The following ACYP2 variants were observed in gnomAD, a reference collection of about 807,000 sequenced individuals.
ACYP2 encodes the protein acylphosphatase-2.
Under a neutral mutation model 11.2 loss-of-function variants are expected in ACYP2, and 12 were observed. That is an observed-to-expected ratio of 1.08 (90% CI 0.69 to 1.74). The LOEUF (loss-of-function observed/expected upper bound fraction) is 1.74, where lower values mean the gene tolerates loss of function less well. ACYP2 is among the 40% of genes most tolerant of loss of function. ACYP2 has a pLI of 0.00. For synonymous variants in ACYP2, 43 were observed against 32.2 expected, an observed-to-expected ratio of 1.33 and a Z score of -1.13; for missense variants, 134 against 101.9, an observed-to-expected ratio of 1.31 and a Z score of -1.35.
At position 54,050,685 on chromosome 2, in the gene ACYP2, G is replaced by T. The variant is rs77699961; in HGVS notation, c.63-273G>T. ...CATGTATACACCGCTCCAGTGCTGG[G>T]TAAAACAATTGCATCCCCCTAAAAA... On this transcript the variant is annotated intron_variant, in intron 2 of 6. Transcript: ENST00000607452. Among the ~76,000 whole-genome samples the T allele has an allele frequency of 3.0e-3, 461 of 152,216 alleles. 1 individual carries two copies. The highest frequency in any genetic ancestry group is 0.01 in the African/African-American group (433 of 41,524).
intron 2 of ACYP2, among the ~76,000 whole-genome samples, chr2:54,043,801 A>G (rs1675369251): frequency 6.6e-6 from 1 of 152,182 alleles, no homozygotes; most frequent in Non-Finnish European, 1.5e-5. Context: ...CATAAAAGGC[A>G]GCGATACATC....
At chr2:54,216,631 G>C (rs1326571492) in intron 6 of ACYP2, among the ~76,000 whole-genome samples, 1 of 151,458 alleles carries the variant, frequency 6.6e-6, no homozygotes, top group Non-Finnish European at 1.5e-5. Flanking sequence ...TCAGCCTCCT[G>C]AGTTCAAGCG....
At chr2:54,119,427 C>T (rs1680013366) in intron 4 of ACYP2, among the ~76,000 whole-genome samples, 2 of 152,176 alleles carry the variant, frequency 1.3e-5, no homozygotes, top group South Asian at 4.1e-4. Flanking sequence ...TTAGTGAAAA[C>T]TGTCTTGTTA....
At chr2:54,024,057 A>G (rs948683941) in intron 2 of ACYP2, among the ~76,000 whole-genome samples, 1 of 152,184 alleles carries the variant, frequency 6.6e-6, no homozygotes. Context: ...AATACTAGCT[A>G]ACTGAATCTA....
intron 6 of ACYP2, among the ~76,000 whole-genome samples, chr2:54,250,671 T>C (rs957439078): frequency 2.2e-4 from 34 of 152,390 alleles, no homozygotes; most frequent in African/African-American, 7.7e-4. Context: ...TTTTACATTA[T>C]TGTTTTTATA....
intron 6 of ACYP2, among the ~76,000 whole-genome samples, chr2:54,201,639 T>TTTCTTTCTTTCC (rs1452076399): frequency 3.2e-5 from 2 of 63,128 alleles, no homozygotes; most frequent in Non-Finnish European, 7.4e-5. Flanking sequence ...TTTCTTTCTC[T>TTTCTTTCTTTCC]TTCTTTCTTT....
At chr2:53,994,926 G>A (rs149701092) in intron 2 of ACYP2, among the ~76,000 whole-genome samples, 5 of 152,198 alleles carry the variant, frequency 3.3e-5, no homozygotes, top group East Asian at 1.9e-4. Context: ...GTCATGTAGC[G>A]TTTCCGTTAT....
chr2:54,024,182 G>A (rs997114604), intron 2 of ACYP2, among the ~76,000 whole-genome samples: 5 of 152,070 alleles, frequency 3.3e-5, no homozygotes, highest in African/African-American at 1.2e-4. Context: ...TAGCTAACAT[G>A]GCAAAACCCC....
At chr2:54,220,103 T>C (rs954767125) in intron 6 of ACYP2, among the ~76,000 whole-genome samples, 16 of 151,600 alleles carry the variant, frequency 1.1e-4, no homozygotes, top group African/African-American at 3.6e-4. Context: ...AAAACAGATA[T>C]TTGATATTGT....
At chr2:54,237,849 C>T (rs2103978395) in intron 6 of ACYP2, among the ~76,000 whole-genome samples, 1 of 152,048 alleles carries the variant, frequency 6.6e-6, no homozygotes, top group Non-Finnish European at 1.5e-5. Flanking sequence ...TTCTCTCTTC[C>T]CTCTCTTCTG....
At chr2:54,119,051 CTTTT>C (rs10542497) in intron 4 of ACYP2, among the ~76,000 whole-genome samples, 7,570 of 43,130 alleles carry the variant, frequency 0.18, 297 homozygotes, top group South Asian at 0.22. Context: ...TCTTAGTAGT[CTTTT>C]TTTTTTTTTT....
chr2:54,050,836 A>G, intron 2 of ACYP2: 3 of 365,224 alleles, frequency 8.2e-6, no homozygotes, highest in Non-Finnish European at 1.5e-5. Flanking sequence ...GTGCAGTAGC[A>G]CCATCATGGC....
intron 6 of ACYP2, among the ~76,000 whole-genome samples, chr2:54,201,620 C>CTCTTTCTT (rs1684791158): frequency 2.3e-5 from 2 of 87,080 alleles, no homozygotes; most frequent in African/African-American, 8.9e-5. Flanking sequence ...TTCTTTCTTT[C>CTCTTTCTT]TTTGTTTCTT....
chr2:54,287,045 T>C (rs1384566081), intron 6 of ACYP2, among the ~76,000 whole-genome samples: 1 of 152,054 alleles, frequency 6.6e-6, no homozygotes, highest in Non-Finnish European at 1.5e-5. Context: ...CTCTTTTCAC[T>C]AAAGGTGAGT....
chr2:54,036,319 C>T (rs1478327829), intron 2 of ACYP2, among the ~76,000 whole-genome samples: 1 of 152,126 alleles, frequency 6.6e-6, no homozygotes, highest in East Asian at 1.9e-4. Flanking sequence ...GTGTGGAACT[C>T]GACCTCAGGT....
In ACYP2 at chr2:54,249,940, C is replaced by CAAA. The variant is rs1015312135; in HGVS notation, c.405-54724_405-54722dup. On this transcript the variant is annotated intron_variant, in intron 6 of 6. Transcript: ENST00000607452. ...TTGGCAACAGAGCAAGACCCTGTCTCAAAAAAAAAAAAAAAAAAAAAAAAA... is the reference window on the plus strand; with the variant it reads ...TTGGCAACAGAGCAAGACCCTGTCTCAAAAAAAAAAAAAAAAAAAAAAAAAAAA... Among the ~76,000 whole-genome samples the CAAA allele has an allele frequency of 1.6e-4, 7 of 44,452 alleles. 1 individual carries two copies. The South Asian group carries it at 3.8e-3, about 24-fold the overall frequency. The allele number at this position is 44,452 out of a possible 152,430, so 29.2% of individuals were successfully genotyped here.
At chr2:53,999,861 T>C (rs931626309) in intron 2 of ACYP2, among the ~76,000 whole-genome samples, 3 of 152,088 alleles carry the variant, frequency 2.0e-5, no homozygotes, top group Admixed American at 1.3e-4. Context: ...AGTGCAAAGA[T>C]TAAAACCCCA....
chr2:54,028,674 G>A (rs1292443269), intron 2 of ACYP2, among the ~76,000 whole-genome samples: 1 of 152,160 alleles, frequency 6.6e-6, no homozygotes, highest in African/African-American at 2.4e-5. Context: ...CTTTGTCCCA[G>A]GCCATTGTAT....
At chr2:54,071,068 A>G (rs943625541) in intron 4 of ACYP2, among the ~76,000 whole-genome samples, 1 of 152,136 alleles carries the variant, frequency 6.6e-6, no homozygotes, top group Non-Finnish European at 1.5e-5. Flanking sequence ...GCTTTTCTTT[A>G]TTTGACTAAT....
Sources: allele counts gnomAD v4.1 joint callset (sites outside exome capture counted in the v4.1 genomes callset), GRCh38; gene constraint gnomAD v4.1.1; transcripts MANE v1.5; gene names NCBI Gene and HGNC (gene_info 2026-07-23, HGNC 2026-07-21).